FRMPD4: variants seen among roughly 807,000 people sequenced by gnomAD.
FRMPD4 encodes the protein FERM and PDZ domain containing 4.
A neutral mutation model predicts 94.1 loss-of-function variants in FRMPD4; 22 were observed. The ratio of observed to expected loss-of-function variants is 0.23; its 90% CI spans 0.17 to 0.33. FRMPD4 has a LOEUF of 0.33. FRMPD4 is among the 10% of genes least tolerant of loss of function. The pLI, the probability that FRMPD4 is intolerant of heterozygous loss-of-function variation, is 1.00. For synonymous variants in FRMPD4, 631 were observed against 548.6 expected (o/e 1.15, Z -2.10); for missense variants, 1,111 against 1,339.9 (o/e 0.83, Z 2.67).
At chrX:12,276,992 G>T (rs1291486467) in intron 1 of FRMPD4, among the ~76,000 whole-genome samples, 1 of 104,914 alleles carries the variant, frequency 9.5e-6, no homozygotes, top group East Asian at 3.0e-4. Flanking sequence ...GTAGTGGCGG[G>T]CGCCTGTAGT....
At chrX:11,950,823 C>T (rs1260672825) in intron 3 of FRMPD4, among the ~76,000 whole-genome samples, 3 of 110,355 alleles carry the variant, frequency 2.7e-5, no homozygotes, top group Non-Finnish European at 5.7e-5. Flanking sequence ...TTTGGGAGGC[C>T]GAGGCATGTG....
At chrX:12,427,897 CTTTTTTTTTTTTTTTT>C (rs139267482) in intron 1 of FRMPD4, among the ~76,000 whole-genome samples, 2 of 54,756 alleles carry the variant, frequency 3.7e-5, no homozygotes, top group African/African-American at 1.5e-4. Context: ...CCTTTTTTCT[CTTTTTTTTTTTTTTTT>C]TTTTTTTTTT....
chrX:12,398,653 CT>C (rs1487087278), intron 1 of FRMPD4, among the ~76,000 whole-genome samples: 5 of 111,427 alleles, frequency 4.5e-5, no homozygotes, highest in Non-Finnish European at 9.4e-5. Context: ...CCAGTTTCTC[CT>C]TTTTTGTTAC....
At chrX:12,397,768 T>C (rs1325499919) in intron 1 of FRMPD4, among the ~76,000 whole-genome samples, 1 of 111,187 alleles carries the variant, frequency 9.0e-6, no homozygotes, top group Non-Finnish European at 1.9e-5. Context: ...AATGTGAATT[T>C]TTCCAGAAAA....
chrX:12,402,246 G>A (rs1270689215), intron 1 of FRMPD4, among the ~76,000 whole-genome samples: 1 of 106,782 alleles, frequency 9.4e-6, no homozygotes, highest in African/African-American at 3.7e-5. Context: ...AACCTTCTGC[G>A]CCACCCCCCC....
chrX:12,310,442 T>C (rs908717642), intron 1 of FRMPD4, among the ~76,000 whole-genome samples: 1 of 111,510 alleles, frequency 9.0e-6, no homozygotes, highest in Non-Finnish European at 1.9e-5. Flanking sequence ...GTCAAGGGGA[T>C]GCGATGGCTT....
At chrX:12,460,635 T>A (rs1230340718) in intron 1 of FRMPD4, among the ~76,000 whole-genome samples, 4 of 112,145 alleles carry the variant, frequency 3.6e-5, no homozygotes, top group Non-Finnish European at 3.8e-5. Context: ...ACATCCCAAA[T>A]TGATTGAAAG....
chrX:12,261,588 A>T (rs1354055928), intron 1 of FRMPD4, among the ~76,000 whole-genome samples: 1 of 112,179 alleles, frequency 8.9e-6, no homozygotes. Flanking sequence ...CAGAAGAAAA[A>T]CAGAATTAGA....
At chrX:12,345,704 A>G (rs1218517178) in intron 1 of FRMPD4, among the ~76,000 whole-genome samples, 1 of 112,296 alleles carries the variant, frequency 8.9e-6, no homozygotes, top group Non-Finnish European at 1.9e-5. Context: ...TTTGTCACTA[A>G]TTGAGCCAAT....
At chrX:12,440,801 T>C (rs1004840639) in intron 1 of FRMPD4, among the ~76,000 whole-genome samples, 1 of 110,653 alleles carries the variant, frequency 9.0e-6, no homozygotes, top group Non-Finnish European at 1.9e-5. Flanking sequence ...AACTTACTTA[T>C]AGAGTACCAT....
chrX:11,914,440 T>G (rs1601836543), intron 3 of FRMPD4, among the ~76,000 whole-genome samples: 2 of 109,752 alleles, frequency 1.8e-5, no homozygotes, highest in Middle Eastern at 9.3e-3. Flanking sequence ...ACCATGGCAA[T>G]TGTGGAAAGT....
chrX:12,386,346 G>A (rs1851072573), intron 1 of FRMPD4, among the ~76,000 whole-genome samples: 1 of 112,384 alleles, frequency 8.9e-6, no homozygotes, highest in Non-Finnish European at 1.9e-5. Flanking sequence ...GGTTTATGCA[G>A]TGGGTGAACA....
chrX:12,298,846 C>T (rs944328746), intron 1 of FRMPD4, among the ~76,000 whole-genome samples: 3 of 112,303 alleles, frequency 2.7e-5, no homozygotes. Context: ...GTTAGAAGTA[C>T]TTACATATAG....
At chrX:12,466,763 G>A (rs748948303) in intron 1 of FRMPD4, among the ~76,000 whole-genome samples, 1 of 112,150 alleles carries the variant, frequency 8.9e-6, no homozygotes, top group Non-Finnish European at 1.9e-5. Flanking sequence ...CACAATGAGT[G>A]CTAAATCCAT....
At chrX:11,926,105 A>G (rs778963607) in intron 3 of FRMPD4, among the ~76,000 whole-genome samples, 1 of 110,624 alleles carries the variant, frequency 9.0e-6, no homozygotes, top group South Asian at 3.9e-4. Flanking sequence ...GAATAATATG[A>G]ACACTTCCAT....
At chrX:11,861,559 A>G (rs2053687133) in intron 1 of FRMPD4, among the ~76,000 whole-genome samples, 1 of 112,074 alleles carries the variant, frequency 8.9e-6, no homozygotes, top group South Asian at 3.7e-4. Flanking sequence ...CCATTTGCCT[A>G]TTCAATTTAT....
At chrX:12,136,936 C>CAAAA (rs1465541772), upstream of FRMPD4, among the ~76,000 whole-genome samples, 10 of 109,294 alleles carry the variant, frequency 9.1e-5, no homozygotes, top group East Asian at 2.9e-3. Context: ...TACACACACA[C>CAAAA]AAAACATCTT....
At chrX:12,674,278 T>A (rs1265674289) in intron 4 of FRMPD4, among the ~76,000 whole-genome samples, 1 of 111,730 alleles carries the variant, frequency 9.0e-6, no homozygotes, top group East Asian at 2.8e-4. Context: ...GGTCCTAGCA[T>A]TGTGACCAGG....
intron 3 of FRMPD4, among the ~76,000 whole-genome samples, chrX:11,987,852 T>C (rs771765001): frequency 9.0e-6 from 1 of 111,065 alleles, no homozygotes; most frequent in Non-Finnish European, 1.9e-5. Context: ...TTGTGGCTAT[T>C]ACAAATACTT....
Sources: allele counts gnomAD v4.1 joint callset (sites outside exome capture counted in the v4.1 genomes callset), GRCh38; gene constraint gnomAD v4.1.1; transcripts MANE v1.5; gene names NCBI Gene and HGNC (gene_info 2026-07-23, HGNC 2026-07-21).